Variants in PLXDC2 observed in about 807,000 individuals in gnomAD.
The protein encoded by PLXDC2 is plexin domain containing 2.
In PLXDC2, 40 loss-of-function variants were observed where a neutral mutation model predicts 68.9. The ratio of observed to expected loss-of-function variants is 0.58; its 90% CI spans 0.45 to 0.76. PLXDC2 has a LOEUF of 0.76. Among genes scored for constraint, PLXDC2 ranks in the 30% least tolerant of loss-of-function variants. The pLI is 0.00. For missense variants in PLXDC2, 644 were observed against 661.9 expected, an observed-to-expected ratio of 0.97 and a Z score of 0.30; for synonymous variants, 243 against 234.2, an observed-to-expected ratio of 1.04 and a Z score of -0.34.
chr10:20,257,984 C>CTTTT (rs1387540378), intron 13 of PLXDC2, among the ~76,000 whole-genome samples: 1 of 114,922 alleles, frequency 8.7e-6, no homozygotes, highest in African/African-American at 3.4e-5. Flanking sequence ...TTGTGATTTT[C>CTTTT]TTTTTTTTCT....
chr10:20,122,041 G>A (rs185796179), intron 4 of PLXDC2, among the ~76,000 whole-genome samples: 21 of 152,040 alleles, frequency 1.4e-4, no homozygotes, highest in Middle Eastern at 6.8e-3. Flanking sequence ...AGGACGCAAA[G>A]GAGGCTTTGG....
At chr10:19,985,870 T>C (rs1382122143) in intron 1 of PLXDC2, among the ~76,000 whole-genome samples, 1 of 152,222 alleles carries the variant, frequency 6.6e-6, no homozygotes, top group African/African-American at 2.4e-5. Flanking sequence ...TTCCTTGCTT[T>C]CTGCAAGGCC....
chr10:19,982,720 T>A (rs1171192445), intron 1 of PLXDC2, among the ~76,000 whole-genome samples: 1 of 152,162 alleles, frequency 6.6e-6, no homozygotes, highest in Non-Finnish European at 1.5e-5. Flanking sequence ...TTTATATCTT[T>A]AAAAATAAAT....
intron 1 of PLXDC2, among the ~76,000 whole-genome samples, chr10:19,839,262 T>G (rs1836859946): frequency 6.6e-6 from 1 of 151,918 alleles, no homozygotes. Flanking sequence ...AGAAAGCTTG[T>G]CCAACCCATG....
chr10:20,001,132 T>C lies in PLXDC2; in HGVS notation c.113-643T>C, dbSNP rs1286768529. On this transcript the variant is annotated intron_variant, in intron 1 of 13. Coordinates refer to ENST00000377252, the MANE Select transcript of PLXDC2 (RefSeq NM_032812.9). ...TGTCATCCTTTAGACCCTGACGAGA[T>C]TTCAAGGTGAGAACGGCACAGATGA... 2.6e-5 allele frequency among the ~76,000 whole-genome samples: 4 copies of C among 152,166 alleles called. 1 individual carries two copies. Among genetic ancestry groups the C allele is most frequent in the African/African-American group, 4.8e-5 (2 of 41,432 alleles).
intron 3 of PLXDC2, among the ~76,000 whole-genome samples, chr10:20,064,307 A>G (rs1216039547): frequency 2.1e-5 from 3 of 145,808 alleles, no homozygotes; most frequent in South Asian, 4.4e-4. Context: ...TGAAAGCTCC[A>G]CCTCCCGGGT....
intron 4 of PLXDC2, among the ~76,000 whole-genome samples, chr10:20,073,379 T>A (rs1356928577): frequency 6.6e-6 from 1 of 152,208 alleles, no homozygotes; most frequent in Non-Finnish European, 1.5e-5. Context: ...CAGCACAATT[T>A]AAAAATGGAA....
chr10:19,995,615 T>C (rs1834831508), intron 1 of PLXDC2, among the ~76,000 whole-genome samples: 1 of 152,208 alleles, frequency 6.6e-6, no homozygotes, highest in African/African-American at 2.4e-5. Flanking sequence ...CGTCCCTAAA[T>C]CTAAATTTCC....
At chr10:19,845,539 A>G (rs1273723552) in intron 1 of PLXDC2, among the ~76,000 whole-genome samples, 1 of 152,148 alleles carries the variant, frequency 6.6e-6, no homozygotes, top group Non-Finnish European at 1.5e-5. Flanking sequence ...GGTGACCCCC[A>G]AAGTGGAGCT....
chr10:20,094,266 C>T (rs909708294), intron 4 of PLXDC2, among the ~76,000 whole-genome samples: 8 of 152,162 alleles, frequency 5.3e-5, no homozygotes, highest in African/African-American at 1.9e-4. Flanking sequence ...TATCTGAGAA[C>T]GTCATCATCA....
chr10:20,047,347 A>G (rs370536628), intron 3 of PLXDC2, among the ~76,000 whole-genome samples: 19 of 152,258 alleles, frequency 1.2e-4, no homozygotes, highest in African/African-American at 3.4e-4. Flanking sequence ...GAGTGTATAG[A>G]ACATTTTTAA....
At chr10:19,975,271 G>A (rs1834430775) in intron 1 of PLXDC2, among the ~76,000 whole-genome samples, 1 of 151,894 alleles carries the variant, frequency 6.6e-6, no homozygotes, top group South Asian at 2.1e-4. Flanking sequence ...TGGCTAACAC[G>A]GTGAAACCCC....
intron 4 of PLXDC2, among the ~76,000 whole-genome samples, chr10:20,142,494 A>G (rs747822166): frequency 1.1e-4 from 17 of 152,152 alleles, no homozygotes; most frequent in Non-Finnish European, 2.2e-4. Context: ...TGGATAATCC[A>G]CAAAGTAAAT....
At chr10:19,835,385 G>A (rs1400313555) in intron 1 of PLXDC2, among the ~76,000 whole-genome samples, 1 of 152,182 alleles carries the variant, frequency 6.6e-6, no homozygotes, top group African/African-American at 2.4e-5. Flanking sequence ...CAGATAAGAG[G>A]AGGATAGCTA....
chr10:20,182,071 T>G (rs76908547), intron 9 of PLXDC2, among the ~76,000 whole-genome samples: 6 of 146,454 alleles, frequency 4.1e-5, no homozygotes, highest in African/African-American at 7.6e-5. Context: ...AACCGGTTAT[T>G]TGTGTGTGTG....
intron 6 of PLXDC2, among the ~76,000 whole-genome samples, chr10:20,159,201 C>A (rs1423109345): frequency 6.6e-6 from 1 of 152,088 alleles, no homozygotes; most frequent in Non-Finnish European, 1.5e-5. Context: ...ATATGTTGTT[C>A]CCTGCATATC....
At chr10:20,266,418 G>GA (rs1332183386) in intron 13 of PLXDC2, among the ~76,000 whole-genome samples, 5 of 149,736 alleles carry the variant, frequency 3.3e-5, no homozygotes, top group Middle Eastern at 3.5e-3. Flanking sequence ...GTTGTTTATT[G>GA]AAAATTACAG....
At chr10:20,251,066 A>G (rs1285195995) in intron 13 of PLXDC2, among the ~76,000 whole-genome samples, 1 of 152,176 alleles carries the variant, frequency 6.6e-6, no homozygotes, top group Non-Finnish European at 1.5e-5. Flanking sequence ...TATACATCCC[A>G]TGTCTTCTTA....
At chr10:20,270,392 C>A (rs553677771) in intron 13 of PLXDC2, among the ~76,000 whole-genome samples, 12 of 152,194 alleles carry the variant, frequency 7.9e-5, no homozygotes, top group African/African-American at 2.9e-4. Flanking sequence ...GACTGAGATT[C>A]CAAGAAAGTA....
Sources: gnomAD v4.1 joint callset for allele counts (sites outside exome capture counted in the v4.1 genomes callset) on GRCh38, gnomAD v4.1.1 for gene constraint, MANE v1.5 for transcripts, NCBI Gene and HGNC (gene_info 2026-07-23, HGNC 2026-07-21) for gene names.